Variants in KCND2 observed in about 807,000 individuals in gnomAD.
KCND2 encodes the protein A-type voltage-gated potassium channel KCND2.
In KCND2, 16 loss-of-function variants were observed where a neutral mutation model predicts 54.4. That is an observed-to-expected ratio of 0.29 (90% CI 0.20 to 0.45). The LOEUF is 0.45. Among genes scored for constraint, KCND2 ranks in the 20% least tolerant of loss-of-function variants. The probability of loss-of-function intolerance (pLI) is 1.00; values close to 1 mark genes in which losing one functional copy is unlikely to be tolerated. For synonymous variants in KCND2, 317 were observed against 310.7 expected (o/e 1.02, Z -0.21); for missense variants, 486 against 824.2 (o/e 0.59, Z 5.02).
intron 1 of KCND2, among the ~76,000 whole-genome samples, chr7:120,507,442 C>G (rs1175645522): frequency 6.6e-6 from 1 of 151,882 alleles, no homozygotes; most frequent in East Asian, 1.9e-4. Flanking sequence ...CTCTTTCAGC[C>G]TTCCTTGCAG....
intron 1 of KCND2, among the ~76,000 whole-genome samples, chr7:120,547,831 A>G (rs961680491): frequency 3.3e-5 from 5 of 152,024 alleles, no homozygotes; most frequent in African/African-American, 1.2e-4. Context: ...CTTGAGTAAT[A>G]TCTTAAGAAC....
chr7:120,287,974 G>T (rs1396366730), intron 1 of KCND2, among the ~76,000 whole-genome samples: 1 of 152,112 alleles, frequency 6.6e-6, no homozygotes, highest in Non-Finnish European at 1.5e-5. Context: ...TATTGCAAAA[G>T]CCATATCTTA....
chr7:120,428,026 A>AT (rs1465156813), intron 1 of KCND2, among the ~76,000 whole-genome samples: 15 of 152,334 alleles, frequency 9.8e-5, no homozygotes, highest in African/African-American at 3.4e-4. Flanking sequence ...GGGAATAGGA[A>AT]AATGTATACA....
chr7:120,416,316 A>G (rs748755256), intron 1 of KCND2, among the ~76,000 whole-genome samples: 1 of 152,024 alleles, frequency 6.6e-6, no homozygotes, highest in African/African-American at 2.4e-5. Context: ...CTTTGCACAT[A>G]TTTTTGCCTC....
chr7:120,446,545 AACACAC>A (rs150533505), intron 1 of KCND2, among the ~76,000 whole-genome samples: 1 of 138,672 alleles, frequency 7.2e-6, no homozygotes, highest in Non-Finnish European at 1.5e-5. Flanking sequence ...CCATATTATA[AACACAC>A]ACACACACAC....
chr7:120,703,414 C>A (rs1792427271), intron 1 of KCND2, among the ~76,000 whole-genome samples: 1 of 152,162 alleles, frequency 6.6e-6, no homozygotes, highest in Admixed American at 6.5e-5. Context: ...GTTGTGAACC[C>A]TATTGAGAAT....
At chr7:120,364,744 A>G (rs562412259) in intron 1 of KCND2, among the ~76,000 whole-genome samples, 22 of 152,196 alleles carry the variant, frequency 1.4e-4, no homozygotes, top group African/African-American at 4.6e-4. Flanking sequence ...GCATGATCAA[A>G]CATCACCTGG....
chr7:120,685,069 C>T (rs1476691672), intron 1 of KCND2, among the ~76,000 whole-genome samples: 2 of 152,156 alleles, frequency 1.3e-5, no homozygotes, highest in South Asian at 4.1e-4. Flanking sequence ...AAACCATTAT[C>T]ACATTCTTGG....
chr7:120,656,245 T>TA (rs1370176734), intron 1 of KCND2, among the ~76,000 whole-genome samples: 1 of 152,112 alleles, frequency 6.6e-6, no homozygotes, highest in Non-Finnish European at 1.5e-5. Flanking sequence ...CAGTTTTTTT[T>TA]AACATCCTAA....
intron 1 of KCND2, among the ~76,000 whole-genome samples, chr7:120,281,165 A>G (rs1261434249): frequency 6.6e-6 from 1 of 152,102 alleles, no homozygotes; most frequent in African/African-American, 2.4e-5. Context: ...ATGCAATTTA[A>G]CTTCTCTTTC....
chr7:120,553,661 A>C (rs1792128026), intron 1 of KCND2, among the ~76,000 whole-genome samples: 1 of 152,164 alleles, frequency 6.6e-6, no homozygotes, highest in East Asian at 1.9e-4. Context: ...TAAATGGAGA[A>C]ACAGCTTGCA....
intron 1 of KCND2, among the ~76,000 whole-genome samples, chr7:120,282,633 G>T (rs1446848844): frequency 1.3e-5 from 2 of 152,122 alleles, no homozygotes; most frequent in Non-Finnish European, 2.9e-5. Flanking sequence ...GATGACAGTT[G>T]AGATAATGTC....
rs1276581215 is a variant in KCND2 at position 120,366,499 on chromosome 7, AAGGG to A, written c.1115+90764_1115+90767del. Among the ~76,000 whole-genome samples, 47 of 150,750 alleles carry A rather than the reference AAGGG, an allele frequency of 3.1e-4. No individual in the cohort carries two copies. In the East Asian group the frequency reaches 3.7e-3, roughly 12 times the overall value. The stretch of plus-strand genomic sequence containing the variant: ...CAAGACTCCATTAAAAAAAAAAAAA[AAGGG>A]AGGGAGGGAGGAAGGAAGGAAGGAA... On this transcript the variant is annotated intron_variant, in intron 1 of 5. Coordinates refer to ENST00000331113, the MANE Select transcript of KCND2 (RefSeq NM_012281.3).
chr7:120,455,199 G>T (rs1454910515), intron 1 of KCND2, among the ~76,000 whole-genome samples: 1 of 151,894 alleles, frequency 6.6e-6, no homozygotes, highest in African/African-American at 2.4e-5. Context: ...TAAAATTTAT[G>T]TAGAACCAAA....
intron 1 of KCND2, among the ~76,000 whole-genome samples, chr7:120,438,644 GTACAT>G (rs1801903460): frequency 1.3e-5 from 2 of 151,956 alleles, no homozygotes; most frequent in South Asian, 4.1e-4. Flanking sequence ...ACCATATGAT[GTACAT>G]TACAAGAATT....
At chr7:120,278,506 G>T (rs1799212924) in intron 1 of KCND2, among the ~76,000 whole-genome samples, 1 of 150,992 alleles carries the variant, frequency 6.6e-6, no homozygotes, top group African/African-American at 2.4e-5. Context: ...GTTATTGAAA[G>T]TTCCATCTCG....
intron 1 of KCND2, among the ~76,000 whole-genome samples, chr7:120,351,535 CAG>C (rs1382606145): frequency 6.6e-6 from 1 of 151,666 alleles, no homozygotes; most frequent in East Asian, 1.9e-4. Flanking sequence ...GTAAAATTGA[CAG>C]TGTGATTTAA....
chr7:120,739,299 G>C (rs10256716), intron 2 of KCND2, among the ~76,000 whole-genome samples: 1 of 151,792 alleles, frequency 6.6e-6, no homozygotes, highest in Admixed American at 6.6e-5. Flanking sequence ...AAAGAGACTT[G>C]AAGACTGAAA....
At chr7:120,563,787 C>T (rs1319007014) in intron 1 of KCND2, among the ~76,000 whole-genome samples, 2 of 152,112 alleles carry the variant, frequency 1.3e-5, no homozygotes, top group African/African-American at 2.4e-5. Flanking sequence ...AACTTCTTTA[C>T]CAGGCTAATG....
Sources: allele counts gnomAD v4.1 joint callset (sites outside exome capture counted in the v4.1 genomes callset), GRCh38; gene constraint gnomAD v4.1.1; transcripts MANE v1.5; gene names NCBI Gene and HGNC (gene_info 2026-07-23, HGNC 2026-07-21).